Variants in IMMP1L observed in about 807,000 individuals in gnomAD.
IMMP1L encodes inner mitochondrial membrane peptidase subunit 1.
A neutral mutation model predicts 21.8 loss-of-function variants in IMMP1L; 24 were observed. The observed-to-expected ratio is 1.10, with a 90% CI of 0.80 to 1.55. The LOEUF (loss-of-function observed/expected upper bound fraction) is 1.55. Among genes scored for constraint, IMMP1L ranks in the 40% most tolerant of loss-of-function variants. IMMP1L has a pLI of 0.00. For missense variants in IMMP1L, 195 were observed against 200.7 expected (o/e 0.97, Z 0.17); for synonymous variants, 46 against 62.8 (o/e 0.73, Z 1.26).
chr11:31,442,357 A>G (rs1401143647), intron 4 of IMMP1L, among the ~76,000 whole-genome samples: 1 of 152,196 alleles, frequency 6.6e-6, no homozygotes, highest in South Asian at 2.1e-4. Flanking sequence ...TTGTGGAGGC[A>G]ATACACAGGT....
intron 1 of IMMP1L, among the ~76,000 whole-genome samples, chr11:31,497,779 A>G (rs1334244088): frequency 6.6e-6 from 1 of 152,170 alleles, no homozygotes; most frequent in African/African-American, 2.4e-5. Context: ...GAATGATGAA[A>G]AAGTTTTAGA....
chr11:31,461,759 A>G, intron 2 of IMMP1L, among the ~76,000 whole-genome samples: 1 of 152,160 alleles, frequency 6.6e-6, no homozygotes, highest in East Asian at 1.9e-4. Flanking sequence ...ATATGCAAAT[A>G]TTCCAAAATC....
At chr11:31,453,105 A>C in intron 4 of IMMP1L, 1 of 1,289,302 alleles carries the variant, frequency 7.8e-7, no homozygotes, top group Non-Finnish European at 1.0e-6. Flanking sequence ...AACAGTAAAA[A>C]ATAAAGCTGA....
intron 1 of IMMP1L, among the ~76,000 whole-genome samples, chr11:31,466,410 C>T (rs564094142): frequency 6.6e-5 from 10 of 152,074 alleles, no homozygotes; most frequent in South Asian, 4.1e-4. Flanking sequence ...GGTATTAATC[C>T]GAAAGAAAGG....
chr11:31,455,502 G>A (rs796316515), intron 4 of IMMP1L, among the ~76,000 whole-genome samples: 6 of 152,154 alleles, frequency 3.9e-5, no homozygotes, highest in African/African-American at 1.4e-4. Flanking sequence ...ACTTTTTCTA[G>A]CTGTACAGGC....
At chr11:31,440,308 T>C (rs1474431487) in intron 4 of IMMP1L, among the ~76,000 whole-genome samples, 1 of 152,224 alleles carries the variant, frequency 6.6e-6, no homozygotes, top group East Asian at 1.9e-4. Flanking sequence ...TCCAGTTTTC[T>C]AGTTGTTTAT....
chr11:31,481,568 T>C (rs931774694), intron 1 of IMMP1L, among the ~76,000 whole-genome samples: 4 of 151,828 alleles, frequency 2.6e-5, no homozygotes, highest in African/African-American at 7.2e-5. Context: ...GTTAATAATA[T>C]ACATTATGGA....
intron 1 of IMMP1L, among the ~76,000 whole-genome samples, chr11:31,475,361 AAT>A (rs1220575830): frequency 2.6e-5 from 4 of 152,220 alleles, no homozygotes; most frequent in Admixed American, 6.5e-5. Context: ...ACAGTGGAAG[AAT>A]ATTAATTCAA....
Position 31,433,490 on chromosome 11 carries a change from A to C in IMMP1L, c.402T>G (p.Tyr134Ter), listed in dbSNP as rs768404781. Residue 134 changes from tyrosine to a stop codon, truncating the protein, a stop_gained, in exon 5 of 6, where the codon TAT becomes TAG. Transcript: ENST00000532287. LOFTEE classifies it high-confidence loss of function. ...AGAAGATTCGTCCTCTTATTAGTCCATATGGAATAGGTCCATAGCACCTGG... is the reference window on the plus strand; with the variant it reads ...AGAAGATTCGTCCTCTTATTAGTCCCTATGGAATAGGTCCATAGCACCTGG... ...TDSRCYGPIP[Y>*]GLIRGRIFFK... The C allele has an allele frequency of 3.7e-6, 6 of 1,605,336 alleles. No homozygotes were observed. In the South Asian group the frequency reaches 6.6e-5, roughly 18 times the overall value.
At chr11:31,476,346 T>A (rs1486720757) in intron 1 of IMMP1L, among the ~76,000 whole-genome samples, 1 of 152,070 alleles carries the variant, frequency 6.6e-6, no homozygotes, top group Non-Finnish European at 1.5e-5. Flanking sequence ...CAATTTGAAA[T>A]ACAGTAGCTT....
At chr11:31,501,057 C>G (rs947036336) in intron 1 of IMMP1L, among the ~76,000 whole-genome samples, 3 of 152,174 alleles carry the variant, frequency 2.0e-5, no homozygotes, top group African/African-American at 7.2e-5. Flanking sequence ...TCTGTCATAT[C>G]AGTCACATTT....
chr11:31,506,472 T>A (rs947795425), intron 1 of IMMP1L, among the ~76,000 whole-genome samples: 1 of 151,892 alleles, frequency 6.6e-6, no homozygotes, highest in Non-Finnish European at 1.5e-5. Context: ...CCTTGTGATC[T>A]GCACGCCTCG....
intron 1 of IMMP1L, among the ~76,000 whole-genome samples, chr11:31,492,015 A>C (rs567593033): frequency 1.3e-5 from 2 of 152,312 alleles, no homozygotes; most frequent in East Asian, 3.9e-4. Context: ...GTAAATGAGC[A>C]CTGGCTTCAA....
intron 4 of IMMP1L, among the ~76,000 whole-genome samples, chr11:31,440,207 G>A (rs1173777120): frequency 1.3e-5 from 2 of 152,090 alleles, no homozygotes; most frequent in African/African-American, 4.8e-5. Context: ...GTTGGGGCAA[G>A]TACAGGCTTA....
rs1953183551 is a variant in IMMP1L at position 31,437,982 on chromosome 11, G to T, written c.322-4412C>A. On this transcript the variant is annotated intron_variant, in intron 4 of 5. Coordinates refer to ENST00000532287, the MANE Select transcript of IMMP1L (RefSeq NM_001304274.2). ...AACCACAATGTTTATCTATGAAACT[G>T]GAGGTGGATACTTGGGTTGTTTGCA... 2.0e-5 allele frequency among the ~76,000 whole-genome samples: 3 copies of T among 152,256 alleles called. 1 individual carries two copies. In the South Asian group the frequency reaches 6.2e-4, roughly 32 times the overall value.
intron 4 of IMMP1L, chr11:31,448,881 T>G: frequency 2.1e-6 from 2 of 946,116 alleles, no homozygotes; most frequent in Non-Finnish European, 2.5e-6. Flanking sequence ...TTCAGACTTG[T>G]AAACAATGAG....
intron 4 of IMMP1L, 33 bp downstream of exon 4, chr11:31,456,227 C>G: frequency 2.7e-6 from 4 of 1,460,010 alleles, no homozygotes; most frequent in Non-Finnish European, 3.8e-6. Context: ...TCAATTATGA[C>G]ACCAAAAATA....
rs192003141 is a variant in IMMP1L at position 31,463,852 on chromosome 11, A to G, written c.-29-547T>C. ...GAATCAAATTCAGCAATGTATGTCA[A>G]AGTACTTTATAAAAAGATACACTCA... is the stretch of plus-strand genomic sequence containing the variant. On this transcript the variant is annotated intron_variant, in intron 1 of 5. Transcript: ENST00000532287. Among the ~76,000 whole-genome samples, 5 of 152,272 alleles carry G rather than the reference A, an allele frequency of 3.3e-5. No individual in the cohort carries two copies. In the East Asian group the frequency reaches 9.6e-4, roughly 29 times the overall value.
At chr11:31,436,455 C>G (rs754979676) in intron 4 of IMMP1L, among the ~76,000 whole-genome samples, 1 of 152,052 alleles carries the variant, frequency 6.6e-6, no homozygotes, top group South Asian at 2.1e-4. Flanking sequence ...TTTTTTGAGA[C>G]GGAGTCTTGC....
Sources: allele counts gnomAD v4.1 joint callset (sites outside exome capture counted in the v4.1 genomes callset), GRCh38; gene constraint gnomAD v4.1.1; transcripts MANE v1.5; gene names NCBI Gene and HGNC (gene_info 2026-07-23, HGNC 2026-07-21).